PHACTR2: variants seen among roughly 807,000 people sequenced by gnomAD.
PHACTR2 encodes chromosome 6 open reading frame 56.
PHACTR2 carries 30 observed loss-of-function variants against 76.0 expected under a neutral mutation model. The observed-to-expected ratio is 0.39, with a 90% CI of 0.30 to 0.54. The LOEUF is 0.54. PHACTR2 is among the 20% of genes least tolerant of loss of function. The probability of loss-of-function intolerance (pLI) is 0.61; values close to 1 mark genes in which losing one functional copy is unlikely to be tolerated. For synonymous variants in PHACTR2, 292 were observed against 292.5 expected (o/e 1.00, Z 0.02); for missense variants, 696 against 781.1 (o/e 0.89, Z 1.30).
intron 2 of PHACTR2, among the ~76,000 whole-genome samples, chr6:143,719,349 C>CTTTTT (rs34643788): frequency 2.3e-5 from 2 of 86,902 alleles, no homozygotes; most frequent in African/African-American, 5.2e-5. Flanking sequence ...TTCGACACTT[C>CTTTTT]TTTTTTTTTT....
chr6:143,550,482 T>C lies in PHACTR2; in HGVS notation c.217+13275T>C, dbSNP rs954655787. On this transcript the variant is annotated intron_variant, in intron 1 of 11. Transcript: ENST00000367584. This position sits in a 1 kb window ranked among gnomAD's most constrained non-coding sequence, Gnocchi z 4.8. ...CAAACCTTACTATATATTATCTATA[T>C]AGTAAATAATGGGCGGAGGGTGTCA... Among the ~76,000 whole-genome samples the C allele has an allele frequency of 2.6e-5, 4 of 152,084 alleles. No individual in the cohort carries two copies. Among genetic ancestry groups the C allele is most frequent in the Non-Finnish European group, 4.4e-5 (3 of 67,992 alleles).
rs1200605916 is a variant in PHACTR2 at position 143,763,497 on chromosome 6, A to G, written c.695-1764A>G. Among the ~76,000 whole-genome samples, 3 of 152,268 alleles carry G rather than the reference A, an allele frequency of 2.0e-5. No homozygotes were observed. In the East Asian group the frequency reaches 5.8e-4, roughly 29 times the overall value. On this transcript the variant is annotated intron_variant, in intron 5 of 12. Transcript: ENST00000440869. ...TTAGCGTCTTTGTTGTGAAAAGTAA[A>G]TGTAGACTGGACTTAGATTGAAGGA...
In PHACTR2 at chr6:143,537,963, T is replaced by C. The variant is rs1025707652; in HGVS notation, c.217+756T>C. Among the ~76,000 whole-genome samples, 3 of 152,108 alleles carry C rather than the reference T, an allele frequency of 2.0e-5. No homozygotes were observed. The highest frequency in any genetic ancestry group is 6.5e-5 in the Admixed American group (1 of 15,278). On this transcript the variant is annotated intron_variant, in intron 1 of 11. Coordinates refer to the PHACTR2 transcript ENST00000367584. This position sits in a 1 kb window ranked among gnomAD's most constrained non-coding sequence, Gnocchi z 4.4. ...CGTCCCTACTAAAAATACAAAAAATTAGCCGCCGAGGCGGCGCATGCCTGT... is the reference window on the plus strand; with the variant it reads ...CGTCCCTACTAAAAATACAAAAAATCAGCCGCCGAGGCGGCGCATGCCTGT...
rs61652528 is a variant in PHACTR2 at position 143,814,595 on chromosome 6, CTTTTTTTT to C, written c.1922+7480_1922+7487del. ...ACGTATGGACACATAGACATACACA[CTTTTTTTT>C]TTTTTTTTTTTTTTTTTAAGACGGA... On this transcript the variant is annotated intron_variant, in intron 12 of 12. Coordinates refer to ENST00000440869, the MANE Select transcript of PHACTR2 (RefSeq NM_001100164.2). Among the ~76,000 whole-genome samples, 46 of 108,416 alleles carry C rather than the reference CTTTTTTTT, an allele frequency of 4.2e-4. No homozygotes were observed. The East Asian group carries it at 0.011, about 26-fold the overall frequency. 71.1% of individuals were successfully genotyped at this position (108,416 alleles called of 152,430 possible).
chr6:143,614,499 C>A (rs1375153117), intron 1 of PHACTR2, among the ~76,000 whole-genome samples: 1 of 152,088 alleles, frequency 6.6e-6, no homozygotes, highest in African/African-American at 2.4e-5. Context: ...TTTTTGGTAA[C>A]TAGCAAAGTT....
chr6:143,715,248 T>G (rs1211922809), intron 2 of PHACTR2, among the ~76,000 whole-genome samples: 1 of 152,344 alleles, frequency 6.6e-6, no homozygotes, highest in South Asian at 2.1e-4. Context: ...TACCTCTTCC[T>G]TAATTTACAA....
At chr6:143,555,686 T>G (rs1214683141) in intron 1 of PHACTR2, among the ~76,000 whole-genome samples, 1 of 152,192 alleles carries the variant, frequency 6.6e-6, no homozygotes, top group Non-Finnish European at 1.5e-5. Flanking sequence ...CCTAGATGAT[T>G]ATGGTGTCAA....
chr6:143,704,413 T>A (rs1777994879), intron 1 of PHACTR2, among the ~76,000 whole-genome samples: 1 of 152,160 alleles, frequency 6.6e-6, no homozygotes, highest in South Asian at 2.1e-4. Flanking sequence ...TCAGCTGAAA[T>A]CTTTACTGTT....
In PHACTR2 at chr6:143,592,927, G is replaced by C. The variant is rs1398992755; in HGVS notation, c.217+55720G>C. 6.6e-6 allele frequency among the ~76,000 whole-genome samples: 1 copy of C among 151,540 alleles called. No individual in the cohort carries two copies. The highest frequency in any genetic ancestry group is 2.4e-5 in the African/African-American group (1 of 41,216). On this transcript the variant is annotated intron_variant, in intron 1 of 11. Coordinates refer to the PHACTR2 transcript ENST00000367584. This position sits in a 1 kb window ranked among gnomAD's most constrained non-coding sequence, Gnocchi z 4.0. ...GCCGGACATGGTGACACACATCCCA[G>C]CTACTTGTGAGGGTGAGGTGGGAGG...
In PHACTR2 at chr6:143,825,331, T is replaced by A. The variant is rs1252512862; in HGVS notation, c.*1642T>A. 2 of 152,210 alleles carry A rather than the reference T, an allele frequency of 1.3e-5. No individual in the cohort carries two copies. Among genetic ancestry groups the A allele is most frequent in the Non-Finnish European group, 1.5e-5 (1 of 68,036 alleles). 9.4% of individuals were successfully genotyped at this position (152,210 alleles called of 1,614,324 possible). Reference sequence around the variant, plus strand: ...TTCATTGGTATTTTAAAGAACCACTTGAAATCGGATCATTTTATTTAAAAA... The same window carrying A: ...TTCATTGGTATTTTAAAGAACCACTAGAAATCGGATCATTTTATTTAAAAA... On this transcript the variant is annotated 3_prime_UTR_variant, in exon 13 of 13. Coordinates refer to ENST00000440869, the MANE Select transcript of PHACTR2 (RefSeq NM_001100164.2). This position sits in a 1 kb window ranked among gnomAD's most constrained non-coding sequence, Gnocchi z 4.1.
chr6:143,606,277 AAC>A (rs1405469615), upstream of PHACTR2, among the ~76,000 whole-genome samples: 3 of 152,054 alleles, frequency 2.0e-5, no homozygotes, highest in African/African-American at 7.2e-5. Flanking sequence ...ATATTTTTAA[AAC>A]TTTCTGGATT....
chr6:143,678,306 C>A lies in PHACTR2; in HGVS notation c.46+97C>A. On this transcript the variant is annotated intron_variant, in intron 1 of 12. Transcript: ENST00000440869. The surrounding 1 kb of genome is among the most constrained non-coding windows in gnomAD (Gnocchi z 6.2). The stretch of plus-strand genomic sequence containing the variant: ...CAGGGTTAGTCGTCTGGTCGGGTTC[C>A]GCTCGGACCCGCCAAGTCCCTCGGA... 1 of 1,138,880 alleles carries A rather than the reference C, an allele frequency of 8.8e-7. No individual in the cohort carries two copies. The highest frequency in any genetic ancestry group is 1.2e-6 in the Non-Finnish European group (1 of 855,480). The allele number at this position is 1,138,880 out of a possible 1,614,324, so 70.5% of individuals were successfully genotyped here.
intron 1 of PHACTR2, among the ~76,000 whole-genome samples, chr6:143,655,944 A>G (rs1388194553): frequency 6.6e-6 from 1 of 152,250 alleles, no homozygotes; most frequent in South Asian, 2.1e-4. Context: ...CAGCAGATAC[A>G]CTATTTTCTC....
At chr6:143,572,151 T>C (rs925837851) in intron 1 of PHACTR2, among the ~76,000 whole-genome samples, 1 of 152,266 alleles carries the variant, frequency 6.6e-6, no homozygotes, top group Admixed American at 6.5e-5. Context: ...TTTTTGTTGT[T>C]GTAGACTTTG....
chr6:143,601,307 C>A (rs941180648), intron 1 of PHACTR2, among the ~76,000 whole-genome samples: 2 of 152,148 alleles, frequency 1.3e-5, no homozygotes, highest in Admixed American at 1.3e-4. Flanking sequence ...CTTGGGATGG[C>A]CTTTAGATCT....
rs928262313 is a variant in PHACTR2 at position 143,592,940 on chromosome 6, G to C, written c.217+55733G>C. 2.1e-4 allele frequency among the ~76,000 whole-genome samples: 31 copies of C among 151,138 alleles called. No homozygotes were observed. The highest frequency in any genetic ancestry group is 7.5e-4 in the African/African-American group (31 of 41,068). On this transcript the variant is annotated intron_variant, in intron 1 of 11. Coordinates refer to the PHACTR2 transcript ENST00000367584. This position sits in a 1 kb window ranked among gnomAD's most constrained non-coding sequence, Gnocchi z 4.0. Reference sequence around the variant, plus strand: ...ACACACATCCCAGCTACTTGTGAGGGTGAGGTGGGAGGATCGCTTGAGCCT... The same window carrying C: ...ACACACATCCCAGCTACTTGTGAGGCTGAGGTGGGAGGATCGCTTGAGCCT...
Position 143,772,573 on chromosome 6 carries a change from A to C in PHACTR2, c.1432+116A>C. 1.4e-6 allele frequency: 1 copy of C among 733,800 alleles called. No homozygotes were observed. The highest frequency in any genetic ancestry group is 2.3e-6 in the Non-Finnish European group (1 of 438,016). The allele number at this position is 733,800 out of a possible 1,614,324, so 45.5% of individuals were successfully genotyped here. A position where few individuals can be genotyped will look rare whatever the true frequency, so the allele number is the denominator to read the frequency against. ...GACATCTGATGTTTTCTTTCCCCTC[A>C]TCCTCCTTTCTCAAATTAGAAATGT... On this transcript the variant is annotated intron_variant, in intron 7 of 12. Transcript: ENST00000440869. The surrounding 1 kb of genome is among the most constrained non-coding windows in gnomAD (Gnocchi z 5.4).
intron 1 of PHACTR2, among the ~76,000 whole-genome samples, chr6:143,667,985 T>G (rs759206028): frequency 1.3e-5 from 2 of 152,222 alleles, no homozygotes; most frequent in Non-Finnish European, 2.9e-5. Context: ...GCTTCCAGCT[T>G]TTTCTATTCA....
chr6:143,747,620 G>A (rs1258556722), intron 2 of PHACTR2, among the ~76,000 whole-genome samples: 1 of 152,126 alleles, frequency 6.6e-6, no homozygotes, highest in Non-Finnish European at 1.5e-5. Context: ...AGTAGGAATC[G>A]GGGAACGTCA....
Sources: allele counts gnomAD v4.1 joint callset (sites outside exome capture counted in the v4.1 genomes callset), GRCh38; gene constraint gnomAD v4.1.1; non-coding constraint Gnocchi (gnomAD v3.1); transcripts MANE v1.5; gene names NCBI Gene and HGNC (gene_info 2026-07-23, HGNC 2026-07-21).